The following NPEPPS variants were observed in gnomAD, a reference collection of about 807,000 sequenced individuals.
NPEPPS encodes the protein aminopeptidase puromycin sensitive.
In NPEPPS, 14 loss-of-function variants were observed where a neutral mutation model predicts 115.5. The observed-to-expected ratio is 0.12, with a 90% CI of 0.08 to 0.19. The LOEUF (loss-of-function observed/expected upper bound fraction) is 0.19. NPEPPS is among the 10% of genes least tolerant of loss of function. The pLI is 1.00. For missense variants in NPEPPS, 523 were observed against 1,110.8 expected, an observed-to-expected ratio of 0.47 and a Z score of 7.52; for synonymous variants, 285 against 390.6, an observed-to-expected ratio of 0.73 and a Z score of 3.19.
chr17:47,527,961 A>G (rs1302621842), upstream of NPEPPS, among the ~76,000 whole-genome samples: 3 of 150,604 alleles, frequency 2.0e-5, no homozygotes, highest in Non-Finnish European at 4.4e-5. Context: ...AAAAAAAAAA[A>G]GTGTTTAGTA....
chr17:47,526,853 G>A (rs565810274), upstream of NPEPPS, among the ~76,000 whole-genome samples: 12 of 152,188 alleles, frequency 7.9e-5, no homozygotes, highest in Non-Finnish European at 1.5e-4. Flanking sequence ...AGCTACTCGC[G>A]AGGCTGAGGA....
At chr17:47,524,234 G>A (rs1482653529) in intron 1 of NPEPPS, among the ~76,000 whole-genome samples, 11 of 151,748 alleles carry the variant, frequency 7.2e-5, no homozygotes, top group African/African-American at 2.2e-4. Context: ...TTGAACCCCC[G>A]GGAGGCGGAG....
chr17:47,592,332 A>G (rs1912559274), intron 11 of NPEPPS, among the ~76,000 whole-genome samples, 153 bp from the exon 12 acceptor site: 3 of 152,190 alleles, frequency 2.0e-5, no homozygotes, highest in Non-Finnish European at 2.9e-5. Flanking sequence ...CGCATTATTA[A>G]ATAAAAGGCA....
intron 1 of NPEPPS, among the ~76,000 whole-genome samples, chr17:47,534,731 A>G (rs1460996838): frequency 6.6e-6 from 1 of 151,138 alleles, no homozygotes; most frequent in Non-Finnish European, 1.5e-5. Flanking sequence ...ATCACGCCCA[A>G]CTAATTTTTG....
At chr17:47,576,300 G>A (rs1247144370) in intron 3 of NPEPPS, among the ~76,000 whole-genome samples, 2 of 152,182 alleles carry the variant, frequency 1.3e-5, no homozygotes, top group Non-Finnish European at 2.9e-5. Context: ...ATAATAAAAA[G>A]TGGTGACACA....
intron 1 of NPEPPS, among the ~76,000 whole-genome samples, chr17:47,545,120 T>A (rs1909103011): frequency 2.0e-5 from 3 of 152,172 alleles, no homozygotes; most frequent in South Asian, 4.1e-4. Context: ...TCCTCCTCCC[T>A]CAGCCTCTCC....
chr17:47,571,570 T>C (rs2143809070), intron 3 of NPEPPS, among the ~76,000 whole-genome samples: 1 of 152,046 alleles, frequency 6.6e-6, no homozygotes, highest in East Asian at 1.9e-4. Context: ...TACAAAAAAT[T>C]AGCTGGGAAT....
At chr17:47,598,541 C>A (rs1913010232) in intron 13 of NPEPPS, among the ~76,000 whole-genome samples, 1 of 152,082 alleles carries the variant, frequency 6.6e-6, no homozygotes, top group Non-Finnish European at 1.5e-5. Flanking sequence ...GGGAGGATCA[C>A]TTGTGTTCTG....
At chr17:47,616,297 C>T (rs976887278) in intron 19 of NPEPPS, among the ~76,000 whole-genome samples, 42 of 152,170 alleles carry the variant, frequency 2.8e-4, no homozygotes, top group Non-Finnish European at 1.5e-5. Context: ...TGGTTCATGC[C>T]TGTAATCCCA....
chr17:47,590,998 T>C, intron 10 of NPEPPS, 117 bp downstream of exon 10: 1 of 1,403,398 alleles, frequency 7.1e-7, no homozygotes, highest in Non-Finnish European at 9.6e-7. Context: ...TGGGTGATTT[T>C]ACTGGTTCAT....
chr17:47,569,553 C>A, intron 3 of NPEPPS, 59 bp downstream of exon 3: 2 of 840,656 alleles, frequency 2.4e-6, no homozygotes, highest in East Asian at 2.5e-5. Flanking sequence ...TGACTTCCTC[C>A]AGAGAAATTT....
At position 47,621,980 on chromosome 17, in the gene NPEPPS, C is replaced by G. The variant is rs1269028105; in HGVS notation, c.*60C>G. On this transcript the variant is annotated 3_prime_UTR_variant, in exon 23 of 23. Coordinates refer to ENST00000322157, the MANE Select transcript of NPEPPS (RefSeq NM_006310.4). ...TCGCTGCAGGGATAAGGTGGAGCTA[C>G]CGAACAGCTGATTCATATGCCAAGA... is the stretch of plus-strand genomic sequence containing the variant. 6.7e-7 allele frequency: 1 copy of G among 1,490,896 alleles called. No homozygotes were observed. Among genetic ancestry groups the G allele is most frequent in the African/African-American group, 1.4e-5 (1 of 72,128 alleles). 92.4% of individuals were successfully genotyped at this position (1,490,896 alleles called of 1,614,324 possible).
At position 47,531,493 on chromosome 17, in the gene NPEPPS, C is replaced by G. The variant is rs1181153632; in HGVS notation, c.193C>G (p.Leu65Val). ...PADVSPINYS[L>V]CLKPDLLDFT... ...CGATGTCTCCCCCATCAACTACAGC[C>G]TTTGCCTCAAGCCCGACTTGCTGGA... Residue 65 changes from leucine to valine, a missense_variant, in exon 1 of 23, where the codon CTT becomes GTT. Physicochemically the swap from Leu to Val is conservative, Grantham distance 32. Coordinates refer to ENST00000322157, the MANE Select transcript of NPEPPS (RefSeq NM_006310.4). The G allele has an allele frequency of 4.4e-6, 7 of 1,608,732 alleles. No individual in the cohort carries two copies. The highest frequency in any genetic ancestry group is 1.1e-5 in the South Asian group (1 of 90,470).
intron 2 of NPEPPS, among the ~76,000 whole-genome samples, chr17:47,559,423 T>G (rs912846874): frequency 2.6e-5 from 4 of 151,850 alleles, no homozygotes; most frequent in Admixed American, 6.6e-5. Context: ...TGGTTTTGGG[T>G]TTTTTTTGGA....
chr17:47,578,201 CAAA>C (rs1333262458), intron 3 of NPEPPS, among the ~76,000 whole-genome samples: 6 of 84,302 alleles, frequency 7.1e-5, no homozygotes, highest in Admixed American at 1.3e-4. Flanking sequence ...GCCTCTGTCT[CAAA>C]AAAAAAAAAA....
chr17:47,618,930 G>A lies in NPEPPS; in HGVS notation c.2404-79G>A, dbSNP rs980067456. The A allele has an allele frequency of 7.1e-6, 9 of 1,262,568 alleles. No homozygotes were observed. The African/African-American group carries it at 1.2e-4, about 17-fold the overall frequency. 78.2% of individuals were successfully genotyped at this position (1,262,568 alleles called of 1,614,324 possible). The stretch of plus-strand genomic sequence containing the variant: ...AAGTGTCTTCAGTGTGATTACTTCA[G>A]TGTCACAGTATGGTGCACTTTCTGG... On this transcript the variant is annotated intron_variant, in intron 20 of 22. Transcript: ENST00000322157.
intron 13 of NPEPPS, among the ~76,000 whole-genome samples, chr17:47,597,047 C>CA (rs201747090): frequency 0.53 from 69,079 of 130,410 alleles, 16,702 homozygotes; most frequent in East Asian, 0.68. Context: ...GACTTCGTCT[C>CA]AAAAAAAAAA....
chr17:47,602,660 A>AT lies in NPEPPS; in HGVS notation c.1740+919dup, dbSNP rs1391186509. Among the ~76,000 whole-genome samples the AT allele has an allele frequency of 3.5e-5, 5 of 144,012 alleles. No individual in the cohort carries two copies. The South Asian group carries it at 8.8e-4, about 25-fold the overall frequency. The allele number at this position is 144,012 out of a possible 152,430, so 94.5% of individuals were successfully genotyped here. Reference sequence around the variant, plus strand: ...CTCAAAAAAAAAAAAAAAAAAAGCCATTTTTTCTGTTTATCAACTTCTTTT... The same window carrying AT: ...CTCAAAAAAAAAAAAAAAAAAAGCCATTTTTTTCTGTTTATCAACTTCTTTT... On this transcript the variant is annotated intron_variant, in intron 15 of 22. Transcript: ENST00000322157.
chr17:47,562,058 C>T (rs1179394955), intron 2 of NPEPPS, among the ~76,000 whole-genome samples: 1 of 152,242 alleles, frequency 6.6e-6, no homozygotes, highest in African/African-American at 2.4e-5. Context: ...GGTATGAGAG[C>T]TCTGCACCCC....
Sources: allele counts gnomAD v4.1 joint callset (sites outside exome capture counted in the v4.1 genomes callset), GRCh38; gene constraint gnomAD v4.1.1; transcripts MANE v1.5; gene names NCBI Gene and HGNC (gene_info 2026-07-23, HGNC 2026-07-21).